The following SYTL2 variants were observed in gnomAD, a reference collection of about 807,000 sequenced individuals.
The protein encoded by SYTL2 is synaptotagmin like 2, also known as synaptotagmin-like protein 2.
SYTL2 carries 165 observed loss-of-function variants against 198.7 expected under a neutral mutation model. The observed-to-expected ratio is 0.83, with a 90% CI of 0.73 to 0.94. The LOEUF (loss-of-function observed/expected upper bound fraction) is 0.94. Among genes scored for constraint, SYTL2 ranks in the 40% least tolerant of loss-of-function variants. The pLI is 0.00. For missense variants in SYTL2, 2,835 were observed against 2,582.8 expected, an observed-to-expected ratio of 1.10 and a Z score of -2.12; for synonymous variants, 966 against 917.7, an observed-to-expected ratio of 1.05 and a Z score of -0.95.
chr11:85,719,060 C>A (rs1238390753), intron 9 of SYTL2: 2 of 1,511,958 alleles, frequency 1.3e-6, no homozygotes, highest in African/African-American at 2.8e-5. Context: ...ATGCAGCTCA[C>A]ATCACTGCTG....
At chr11:85,716,919 C>T (rs1428249033) in intron 11 of SYTL2, 1 of 152,118 alleles carries the variant, frequency 6.6e-6, no homozygotes, top group African/African-American at 2.4e-5. Flanking sequence ...ACATTTACTT[C>T]TTAGATTCAC....
chr11:85,829,115 T>C, the SYTL2 span, among the ~76,000 whole-genome samples: 2 of 151,880 alleles, frequency 1.3e-5, no homozygotes, highest in Non-Finnish European at 2.9e-5. Flanking sequence ...AAGGGGTAAA[T>C]GTGCAGGTTT....
chr11:85,800,990 G>A (rs944920147), intron 1 of SYTL2, among the ~76,000 whole-genome samples: 4 of 152,162 alleles, frequency 2.6e-5, no homozygotes, highest in East Asian at 1.9e-4. Context: ...GCAACTATCC[G>A]GAAAACATAA....
intron 1 of SYTL2, among the ~76,000 whole-genome samples, chr11:85,769,921 C>T (rs2092322688): frequency 6.6e-6 from 1 of 152,296 alleles, no homozygotes; most frequent in East Asian, 1.9e-4. Flanking sequence ...AGCATTTTCA[C>T]TTGGCACCCT....
intron 1 of SYTL2, among the ~76,000 whole-genome samples, chr11:85,764,225 T>G (rs972546271): frequency 3.3e-5 from 5 of 152,208 alleles, no homozygotes; most frequent in African/African-American, 1.2e-4. Flanking sequence ...ATAAAAAACT[T>G]TGTTGTTCCC....
chr11:85,735,758 A>C (rs1144762), intron 6 of SYTL2, among the ~76,000 whole-genome samples: 9 of 144,544 alleles, frequency 6.2e-5, no homozygotes, highest in African/African-American at 2.3e-4. Flanking sequence ...CTCCATGGCC[A>C]AAAAAAAAAA....
At chr11:85,816,854 C>T in the SYTL2 span, among the ~76,000 whole-genome samples, 1 of 140,450 alleles carries the variant, frequency 7.1e-6, no homozygotes, top group Admixed American at 7.7e-5. Context: ...GTCAAGGCTA[C>T]AGTGAGCCAT....
chr11:85,847,313 G>T, the SYTL2 span, among the ~76,000 whole-genome samples: 2 of 151,876 alleles, frequency 1.3e-5, no homozygotes, highest in Non-Finnish European at 2.9e-5. Flanking sequence ...TTCACACTTG[G>T]CTTCTTCACT....
rs561050829 is a variant in SYTL2, at chr11:85,724,226, C to T, written c.5132G>A (p.Ser1711Asn). The change falls in exon 8 of 20, where the codon AGT becomes AAT. Residue 1711 changes from serine (S) to asparagine (N), a missense_variant. Coordinates refer to ENST00000359152, the MANE Select transcript of SYTL2 (RefSeq NM_206927.4). ...AATGGGTTGCCTATTTCTGGACACA[C>T]TAATTGCTTCAGAAGCCTCTCCAAA... ...PGFGEASEAI[S>N]VSRNRQPIPL... 171 of 1,577,810 alleles carry T rather than the reference C, an allele frequency of 1.1e-4. 1 individual carries two copies. In the South Asian group the frequency reaches 1.8e-3, roughly 17 times the overall value.
At chr11:85,802,904 T>C (rs992688663) in intron 1 of SYTL2, among the ~76,000 whole-genome samples, 2 of 152,256 alleles carry the variant, frequency 1.3e-5, no homozygotes, top group African/African-American at 4.8e-5. Context: ...CATGTTTAAA[T>C]TCAAGCTTAT....
At chr11:85,772,999 T>C (rs1344105308) in intron 1 of SYTL2, among the ~76,000 whole-genome samples, 1 of 152,238 alleles carries the variant, frequency 6.6e-6, no homozygotes, top group Non-Finnish European at 1.5e-5. Context: ...TATGAGAATC[T>C]GCCTTCATAA....
chr11:85,813,691 C>T (rs1164560783), upstream of SYTL2, among the ~76,000 whole-genome samples: 1 of 102,326 alleles, frequency 9.8e-6, no homozygotes, highest in Middle Eastern at 4.3e-3. Flanking sequence ...AGACAAGTCT[C>T]CTCCCTCCCT....
chr11:85,705,249 G>C (rs2084947594), intron 15 of SYTL2: 2 of 429,746 alleles, frequency 4.7e-6, no homozygotes, highest in South Asian at 1.0e-4. Context: ...CTCTGGAAAA[G>C]CAAACCAAGG....
At chr11:85,767,553 A>G (rs946136589) in intron 1 of SYTL2, among the ~76,000 whole-genome samples, 17 of 152,194 alleles carry the variant, frequency 1.1e-4, no homozygotes, top group Admixed American at 1.1e-3. Flanking sequence ...CAGACTTTAA[A>G]AGGACCACAG....
intron 1 of SYTL2, among the ~76,000 whole-genome samples, chr11:85,772,836 C>T (rs189327167): frequency 1.2e-4 from 18 of 152,358 alleles, no homozygotes; most frequent in Admixed American, 1.2e-3. Flanking sequence ...AGGAATTCCA[C>T]TAATTCCCCC....
Position 85,726,534 on chromosome 11 carries a change from G to C in SYTL2, c.2824C>G (p.His942Asp), listed in dbSNP as rs1297228422. The C allele has an allele frequency of 6.2e-7, 1 of 1,602,112 alleles. No homozygotes were observed. The highest frequency in any genetic ancestry group is 1.1e-5 in the South Asian group (1 of 90,920). Residue 942 changes from histidine to aspartate, a missense_variant, in exon 8 of 20, where the codon CAT becomes GAT. By Grantham distance (81) the His-to-Asp change is moderately conservative. This residue lies in a region of SYTL2 where 2,645 missense variants were observed against 2,381.7 expected (regional missense o/e 1.11). Coordinates refer to ENST00000359152, the MANE Select transcript of SYTL2 (RefSeq NM_206927.4). ...GGTCTGTCTTTCTCCAATGGAGCATGTCGTTCACTCCCGACATTTGAGGGA... is the reference window on the plus strand; with the variant it reads ...GGTCTGTCTTTCTCCAATGGAGCATCTCGTTCACTCCCGACATTTGAGGGA... ...QPPSNVGSER[H>D]APLEKDRPLV... is the part of the protein sequence containing the mutation.
At chr11:85,749,033 C>T (rs765926757) in intron 2 of SYTL2, among the ~76,000 whole-genome samples, 4 of 152,098 alleles carry the variant, frequency 2.6e-5, no homozygotes, top group Non-Finnish European at 4.4e-5. Context: ...TAAAAGGCTG[C>T]TGGAATCAGG....
chr11:85,846,665 G>A, the SYTL2 span, among the ~76,000 whole-genome samples: 1 of 151,390 alleles, frequency 6.6e-6, no homozygotes, highest in African/African-American at 2.4e-5. Context: ...GACCTTAGGT[G>A]ATCCACGCAC....
intron 14 of SYTL2, among the ~76,000 whole-genome samples, 175 bp from the exon 15 acceptor site, chr11:85,707,706 T>C (rs1021498739): frequency 2.0e-5 from 3 of 152,068 alleles, no homozygotes; most frequent in African/African-American, 7.2e-5. Flanking sequence ...TGTAAAGGGT[T>C]TTAGTGGAAT....
Sources: allele counts gnomAD v4.1 joint callset (sites outside exome capture counted in the v4.1 genomes callset), GRCh38; gene constraint gnomAD v4.1.1; regional missense constraint gnomAD v4.1.1; transcripts MANE v1.5; gene names NCBI Gene and HGNC (gene_info 2026-07-23, HGNC 2026-07-21).